The following DPP4 variants were observed in gnomAD, a reference collection of about 807,000 sequenced individuals.
DPP4 encodes ADCP-2.
Under a neutral mutation model 122.4 loss-of-function variants are expected in DPP4, and 93 were observed. That is an observed-to-expected ratio of 0.76 (90% CI 0.64 to 0.90). The LOEUF (loss-of-function observed/expected upper bound fraction) is 0.90. DPP4 is among the 40% of genes least tolerant of loss of function. The pLI, the probability that DPP4 is intolerant of heterozygous loss-of-function variation, is 0.00. For missense variants in DPP4, 914 were observed against 907.3 expected, an observed-to-expected ratio of 1.01 and a Z score of -0.09; for synonymous variants, 321 against 302.9, an observed-to-expected ratio of 1.06 and a Z score of -0.62.
chr2:162,008,576 C>T lies in DPP4; in HGVS notation c.1973G>A (p.Arg658Gln), dbSNP rs138430103. The T allele has an allele frequency of 5.7e-5, 92 of 1,613,572 alleles. No homozygotes were observed. The East Asian group carries it at 1.6e-3, about 29-fold the overall frequency. Residue 658 changes from arginine (R) to glutamine (Q), a missense_variant, in exon 22 of 26, where the codon CGG (arginine) becomes CAG (glutamine). Transcript: ENST00000360534. ...CAATTACATACCATAGTACTCCCAC[C>T]GGGATACAGGCGCCACGGCTATTCC... is the stretch of plus-strand genomic sequence containing the variant. ...KCGIAVAPVSRWEYYDSVYTE... is the reference protein window; with the variant it reads ...KCGIAVAPVSQWEYYDSVYTE...
chr2:161,994,899 C>A (rs916567242), intron 25 of DPP4, 62 bp downstream of exon 25: 2 of 1,507,624 alleles, frequency 1.3e-6, no homozygotes, highest in African/African-American at 1.4e-5. Flanking sequence ...AGAATTAGCC[C>A]AGAAAGAGGA....
intron 18 of DPP4, among the ~76,000 whole-genome samples, chr2:162,015,556 T>C (rs553653351): frequency 6.6e-6 from 1 of 152,312 alleles, no homozygotes; most frequent in South Asian, 2.1e-4. Flanking sequence ...TCCCACTTTT[T>C]TGGAGATGTA....
At chr2:162,070,902 C>A (rs985760751) in intron 2 of DPP4, among the ~76,000 whole-genome samples, 1 of 152,110 alleles carries the variant, frequency 6.6e-6, no homozygotes, top group Non-Finnish European at 1.5e-5. Flanking sequence ...CACCATGAAA[C>A]AACATCTCCA....
chr2:162,016,796 T>C lies in DPP4; in HGVS notation c.1539A>G (p.Lys513=), dbSNP rs747418170. ...MLQNVQMPSK[K]LDFIILNETK... Reference sequence around the variant, plus strand: ...TTTCATTCAAAATAATGAAGTCCAGTTTTTTGGAGGGCATCTGGACATTCT... The same window carrying C: ...TTTCATTCAAAATAATGAAGTCCAGCTTTTTGGAGGGCATCTGGACATTCT... Residue 513 remains lysine (K), a synonymous_variant, in exon 18 of 26, where the codon AAA becomes AAG. Coordinates refer to ENST00000360534, the MANE Select transcript of DPP4 (RefSeq NM_001935.4). 6.2e-7 allele frequency: 1 copy of C among 1,612,400 alleles called. No homozygotes were observed. The highest frequency in any genetic ancestry group is 8.5e-7 in the Non-Finnish European group (1 of 1,179,518).
Position 162,046,305 on chromosome 2 carries a change from C to T in DPP4, c.285+610G>A, listed in dbSNP as rs532620986. Among the ~76,000 whole-genome samples, 3 of 152,268 alleles carry T rather than the reference C, an allele frequency of 2.0e-5. No individual in the cohort carries two copies. In the East Asian group the frequency reaches 5.8e-4, roughly 29 times the overall value. ...GAAATGGAAACTGAGAGATACCTGA[C>T]ATGCAGAGGGAGAATTGTCGCCAAC... On this transcript the variant is annotated intron_variant, in intron 4 of 25. Coordinates refer to ENST00000360534, the MANE Select transcript of DPP4 (RefSeq NM_001935.4).
intron 23 of DPP4, among the ~76,000 whole-genome samples, chr2:162,000,525 T>A (rs1010319785): frequency 1.3e-5 from 2 of 152,262 alleles, no homozygotes; most frequent in South Asian, 2.1e-4. Context: ...TCTCTCTCCC[T>A]TTGGCATATT....
chr2:162,012,292 T>C (rs567004314), intron 19 of DPP4, among the ~76,000 whole-genome samples: 37 of 152,092 alleles, frequency 2.4e-4, no homozygotes, highest in Non-Finnish European at 5.1e-4. Flanking sequence ...ATTTCTCTAA[T>C]AGTTAAGAAG....
intron 12 of DPP4, chr2:162,021,404 G>A (rs891094962): frequency 6.6e-6 from 1 of 152,184 alleles, no homozygotes; most frequent in Non-Finnish European, 1.5e-5. Context: ...GTAGAAGAGA[G>A]TCTATCCCAG....
At chr2:162,008,112 A>G (rs1339098194) in intron 22 of DPP4, among the ~76,000 whole-genome samples, 1 of 152,054 alleles carries the variant, frequency 6.6e-6, no homozygotes, top group Non-Finnish European at 1.5e-5. Flanking sequence ...TCACCTATTA[A>G]GAATGAAAAA....
chr2:162,031,009 G>C (rs1037178401), intron 10 of DPP4, among the ~76,000 whole-genome samples: 2 of 152,210 alleles, frequency 1.3e-5, no homozygotes, highest in African/African-American at 4.8e-5. Flanking sequence ...TCTGTAAGTG[G>C]GAAAGACTTC....
chr2:162,042,629 A>G (rs1684025669), intron 5 of DPP4, among the ~76,000 whole-genome samples: 1 of 152,160 alleles, frequency 6.6e-6, no homozygotes, highest in Non-Finnish European at 1.5e-5. Context: ...AGTAAAAAAA[A>G]AAAAAGAAAG....
chr2:161,995,850 A>C (rs927934287), intron 23 of DPP4, among the ~76,000 whole-genome samples: 3 of 152,202 alleles, frequency 2.0e-5, no homozygotes, highest in Non-Finnish European at 1.5e-5. Context: ...GCAATATGTC[A>C]TGTGAACTTT....
intron 23 of DPP4, among the ~76,000 whole-genome samples, chr2:162,002,682 A>T (rs1456647797): frequency 6.6e-6 from 1 of 152,146 alleles, no homozygotes; most frequent in Non-Finnish European, 1.5e-5. Context: ...GAAGAGAGAG[A>T]GAGAGAGAGG....
intron 2 of DPP4, among the ~76,000 whole-genome samples, chr2:162,056,777 G>A (rs1056597549): frequency 3.9e-5 from 6 of 152,206 alleles, no homozygotes; most frequent in Non-Finnish European, 7.3e-5. Context: ...ATGTAGGCTA[G>A]TAGTTAAATG....
chr2:161,993,231 G>A lies in DPP4; in HGVS notation c.*52C>T, dbSNP rs1700907042. On this transcript the variant is annotated 3_prime_UTR_variant, in exon 26 of 26. Transcript: ENST00000360534. ...CTTGACAGTGCAGTTTTGAGATAAT[G>A]AAAACAAAAATGAGTTTTAATAAGC... 3 of 1,409,352 alleles carry A rather than the reference G, an allele frequency of 2.1e-6. No homozygotes were observed. Among genetic ancestry groups the A allele is most frequent in the Non-Finnish European group, 3.0e-6 (3 of 995,512 alleles). 87.3% of individuals were successfully genotyped at this position (1,409,352 alleles called of 1,614,324 possible). A position where few individuals can be genotyped will look rare whatever the true frequency, so the allele number is the denominator to read the frequency against.
At chr2:162,005,675 A>G in intron 23 of DPP4, 70 bp downstream of exon 23, 1 of 1,310,606 alleles carries the variant, frequency 7.6e-7, no homozygotes, top group Non-Finnish European at 1.1e-6. Flanking sequence ...TCTAGAATAG[A>G]TACAATTAAG....
At position 162,045,661 on chromosome 2, in the gene DPP4, C is replaced by T. The variant is rs112912302; in HGVS notation, c.286-49G>A. 1,452 of 1,358,192 alleles carry T rather than the reference C, an allele frequency of 1.1e-3. 2 individuals carry two copies. Among genetic ancestry groups the T allele is most frequent in the Non-Finnish European group, 1.3e-3 (1,233 of 948,184 alleles). The allele number at this position is 1,358,192 out of a possible 1,614,324, so 84.1% of individuals were successfully genotyped here. ...AAAATTGAACAATTCCATTTCATTG[C>T]CATCACTGTGCACTTACTTCATAGG... On this transcript the variant is annotated intron_variant, in intron 4 of 25. Transcript: ENST00000360534.
intron 2 of DPP4, among the ~76,000 whole-genome samples, chr2:162,051,288 T>C (rs1031379714): frequency 2.6e-5 from 4 of 152,186 alleles, no homozygotes; most frequent in African/African-American, 7.2e-5. Context: ...TCCAGAATGA[T>C]AAAATCCAAA....
At chr2:162,068,819 A>G in intron 2 of DPP4, among the ~76,000 whole-genome samples, 1 of 152,214 alleles carries the variant, frequency 6.6e-6, no homozygotes, top group Non-Finnish European at 1.5e-5. Context: ...CATCCACAGT[A>G]GGCTCTTCTT....
Sources: gnomAD v4.1 joint callset for allele counts (sites outside exome capture counted in the v4.1 genomes callset) on GRCh38, gnomAD v4.1.1 for gene constraint, MANE v1.5 for transcripts, NCBI Gene and HGNC (gene_info 2026-07-23, HGNC 2026-07-21) for gene names.